TBC1D19: variants seen among roughly 807,000 people sequenced by gnomAD.
The protein encoded by TBC1D19 is TBC1 domain family, member 19.
A neutral mutation model predicts 89.0 loss-of-function variants in TBC1D19; 60 were observed. That is an observed-to-expected ratio of 0.67 (90% CI 0.55 to 0.84). The LOEUF is 0.84. Ranked by LOEUF, TBC1D19 falls within the 40% of genes least tolerant of loss-of-function variation. The pLI is 0.00. For missense variants in TBC1D19, 500 were observed against 610.8 expected (o/e 0.82, Z 1.91); for synonymous variants, 189 against 199.7 (o/e 0.95, Z 0.45).
chr4:26,787,143 C>T, the TBC1D19 span, among the ~76,000 whole-genome samples: 3 of 147,736 alleles, frequency 2.0e-5, no homozygotes, highest in East Asian at 6.0e-4. Context: ...TACTCTGTAG[C>T]CCAAGCTGGT....
intron 15 of TBC1D19, among the ~76,000 whole-genome samples, chr4:26,734,932 G>GTA (rs1560503646): frequency 1.6e-5 from 1 of 62,330 alleles, no homozygotes; most frequent in Non-Finnish European, 3.9e-5. Flanking sequence ...ACACATATAT[G>GTA]TGTGTATATA....
At chr4:26,807,842 C>T in the TBC1D19 span, among the ~76,000 whole-genome samples, 1 of 152,208 alleles carries the variant, frequency 6.6e-6, no homozygotes, top group Admixed American at 6.5e-5. Flanking sequence ...TACTGAGGTA[C>T]CTATGCTATG....
chr4:26,658,788 A>C (rs1745042803), intron 7 of TBC1D19, among the ~76,000 whole-genome samples: 1 of 152,172 alleles, frequency 6.6e-6, no homozygotes, highest in Admixed American at 6.5e-5. Context: ...TTCTCCTTGA[A>C]GAGGTTCTTC....
At chr4:26,773,473 G>T in the TBC1D19 span, among the ~76,000 whole-genome samples, 1 of 152,256 alleles carries the variant, frequency 6.6e-6, no homozygotes, top group East Asian at 1.9e-4. Context: ...AGTTTAATTA[G>T]ATCCTATTTG....
the TBC1D19 span, among the ~76,000 whole-genome samples, chr4:26,816,549 C>T: frequency 6.6e-6 from 1 of 152,056 alleles, no homozygotes; most frequent in African/African-American, 2.4e-5. Context: ...GCAGAAATCC[C>T]GTCAATCAAA....
chr4:26,720,028 T>C, intron 14 of TBC1D19, 53 bp from the exon 15 acceptor site: 2 of 1,451,916 alleles, frequency 1.4e-6, no homozygotes, highest in South Asian at 2.6e-5. Context: ...AGTTGATTTT[T>C]AAAGATTTAT....
In TBC1D19 at chr4:26,741,362, CAAAAAAAAA is replaced by C. The variant is rs34342483; in HGVS notation, c.1228-1130_1228-1122del. 8.1e-5 allele frequency among the ~76,000 whole-genome samples: 6 copies of C among 73,656 alleles called. No individual in the cohort carries two copies. In the South Asian group the frequency reaches 2.4e-3, roughly 30 times the overall value. The allele number at this position is 73,656 out of a possible 152,430, so 48.3% of individuals were successfully genotyped here. On this transcript the variant is annotated intron_variant, in intron 17 of 20. Coordinates refer to ENST00000264866, the MANE Select transcript of TBC1D19 (RefSeq NM_018317.4). The stretch of plus-strand genomic sequence containing the variant: ...TGGGCGACAGAGCGAGACTCTGTCT[CAAAAAAAAA>C]AAAAAAAAAAAAAAAGATTAATAAT...
chr4:26,619,647 AT>A (rs941972492), intron 3 of TBC1D19, among the ~76,000 whole-genome samples: 15 of 152,256 alleles, frequency 9.9e-5, no homozygotes, highest in African/African-American at 3.1e-4. Flanking sequence ...AGAGACTTAA[AT>A]TTTTTTTCAT....
intron 3 of TBC1D19, among the ~76,000 whole-genome samples, chr4:26,619,875 A>G (rs1741928192): frequency 6.6e-6 from 1 of 152,172 alleles, no homozygotes; most frequent in African/African-American, 2.4e-5. Context: ...TTTTTGTCCC[A>G]CTTTGGACCA....
intron 1 of TBC1D19, chr4:26,585,078 G>A (rs1328811859): frequency 2.2e-5 from 7 of 320,082 alleles, no homozygotes; most frequent in African/African-American, 1.6e-4. Flanking sequence ...TGGTTTTAGA[G>A]ATTATAAGTA....
chr4:26,699,246 A>T (rs1715097157), intron 13 of TBC1D19, among the ~76,000 whole-genome samples: 1 of 152,242 alleles, frequency 6.6e-6, no homozygotes, highest in Admixed American at 6.5e-5. Flanking sequence ...TATGCAGCCA[A>T]CAGGCACATG....
intron 13 of TBC1D19, among the ~76,000 whole-genome samples, chr4:26,707,548 G>C (rs904075027): frequency 6.6e-6 from 1 of 151,892 alleles, no homozygotes; most frequent in South Asian, 2.1e-4. Context: ...CTGATGAGGA[G>C]ATATTTCTCT....
chr4:26,641,699 G>C (rs1043236140), intron 7 of TBC1D19, among the ~76,000 whole-genome samples: 3 of 152,144 alleles, frequency 2.0e-5, no homozygotes, highest in African/African-American at 4.8e-5. Context: ...TAGACGAATG[G>C]CTAACTAGAA....
the TBC1D19 span, among the ~76,000 whole-genome samples, chr4:26,840,769 C>G: frequency 6.6e-6 from 1 of 152,296 alleles, no homozygotes; most frequent in African/African-American, 2.4e-5. Context: ...CTTACGTTAT[C>G]TCTGAATTTA....
chr4:26,723,225 A>G (rs540004736), intron 15 of TBC1D19, among the ~76,000 whole-genome samples: 9 of 152,218 alleles, frequency 5.9e-5, no homozygotes, highest in South Asian at 4.1e-4. Flanking sequence ...CTGAAGTTTC[A>G]GAACAAGAAG....
chr4:26,853,480 C>T, the TBC1D19 span, among the ~76,000 whole-genome samples: 2 of 152,226 alleles, frequency 1.3e-5, no homozygotes, highest in African/African-American at 2.4e-5. Flanking sequence ...CACATAGTAG[C>T]GGGCCCAATA....
chr4:26,592,061 C>T (rs541719409), intron 1 of TBC1D19, among the ~76,000 whole-genome samples: 1 of 152,152 alleles, frequency 6.6e-6, no homozygotes. Flanking sequence ...ACCAATATCC[C>T]TGATGAACAT....
intron 3 of TBC1D19, among the ~76,000 whole-genome samples, chr4:26,618,195 T>A (rs917465971): frequency 6.6e-6 from 1 of 152,162 alleles, no homozygotes; most frequent in South Asian, 2.1e-4. Flanking sequence ...TACATCCCAG[T>A]TGGGCATACA....
At chr4:26,741,594 T>C (rs1382515706) in intron 17 of TBC1D19, among the ~76,000 whole-genome samples, 1 of 151,336 alleles carries the variant, frequency 6.6e-6, no homozygotes, top group Non-Finnish European at 1.5e-5. Context: ...GTATTCTTTT[T>C]CAGCGAATTG....
Sources: gnomAD v4.1 joint callset for allele counts (sites outside exome capture counted in the v4.1 genomes callset) on GRCh38, gnomAD v4.1.1 for gene constraint, MANE v1.5 for transcripts, NCBI Gene and HGNC (gene_info 2026-07-23, HGNC 2026-07-21) for gene names.